Variants in OMA1 observed in about 807,000 individuals in gnomAD.
OMA1 encodes OMA1 zinc metallopeptidase, also known as metalloendopeptidase OMA1, mitochondrial.
A neutral mutation model predicts 30.9 loss-of-function variants in OMA1; 38 were observed. That is an observed-to-expected ratio of 1.23 (90% CI 0.95 to 1.61). The LOEUF is 1.61. OMA1 is among the 40% of genes most tolerant of loss of function. The pLI is 0.00. For synonymous variants in OMA1, 173 were observed against 121.9 expected (o/e 1.42, Z -2.76); for missense variants, 461 against 349.2 (o/e 1.32, Z -2.55).
chr1:58,488,450 A>G (rs1308259589), intron 8 of OMA1, among the ~76,000 whole-genome samples: 3 of 152,074 alleles, frequency 2.0e-5, no homozygotes, highest in Non-Finnish European at 4.4e-5. Context: ...ACTGTACCCA[A>G]TGTGTAGTCT....
At chr1:58,545,981 C>A (rs936289288) in intron 1 of OMA1, among the ~76,000 whole-genome samples, 1 of 152,168 alleles carries the variant, frequency 6.6e-6, no homozygotes, top group African/African-American at 2.4e-5. Flanking sequence ...GAGGGTTGCA[C>A]GACCTTGATC....
chr1:58,506,485 T>C (rs1359254239), intron 7 of OMA1, among the ~76,000 whole-genome samples: 2 of 152,162 alleles, frequency 1.3e-5, no homozygotes, highest in African/African-American at 2.4e-5. Flanking sequence ...AAGTAGAACA[T>C]GCCCATTGCT....
At chr1:58,495,994 G>A (rs1366919185) in intron 8 of OMA1, among the ~76,000 whole-genome samples, 1 of 152,054 alleles carries the variant, frequency 6.6e-6, no homozygotes, top group Non-Finnish European at 1.5e-5. Context: ...GCTTCCCATG[G>A]ATGATACTCT....
chr1:58,535,612 A>G (rs1646504418), intron 3 of OMA1, among the ~76,000 whole-genome samples: 1 of 151,898 alleles, frequency 6.6e-6, no homozygotes, highest in Non-Finnish European at 1.5e-5. Context: ...AAAAAAAAAA[A>G]AAAGATTCAG....
At chr1:58,504,500 C>T (rs1249704767) in intron 8 of OMA1, among the ~76,000 whole-genome samples, 1 of 152,052 alleles carries the variant, frequency 6.6e-6, no homozygotes, top group Non-Finnish European at 1.5e-5. Context: ...CTCTCTAATA[C>T]CTTTAATCTG....
At chr1:58,517,332 T>C (rs1276094315) in intron 7 of OMA1, among the ~76,000 whole-genome samples, 4 of 152,240 alleles carry the variant, frequency 2.6e-5, no homozygotes, top group African/African-American at 4.8e-5. Context: ...TTGAATTCTG[T>C]TGACATTTTA....
rs546981860 is a variant in OMA1 at position 58,534,016 on chromosome 1, G to A, written c.948C>T (p.Thr316=). 1.5e-5 allele frequency: 13 copies of A among 871,332 alleles called. No individual in the cohort carries two copies. The highest frequency in any genetic ancestry group is 6.5e-5 in the African/African-American group (4 of 61,284). The allele number at this position is 871,332 out of a possible 1,614,324, so 54.0% of individuals were successfully genotyped here. ...FVFTGFLNSV[T]DIHQLSFLLG... ...GAAGGAAAGAAAGTTGATGAATATCGGTTACACTATTTAAAAATCCAGTGA... is the reference window on the plus strand; with the variant it reads ...GAAGGAAAGAAAGTTGATGAATATCAGTTACACTATTTAAAAATCCAGTGA... The change falls in exon 5 of 9, where the codon ACC becomes ACT. Residue 316 remains threonine, a synonymous_variant. Transcript: ENST00000371226.
chr1:58,523,760 A>T (rs6687082), intron 7 of OMA1, among the ~76,000 whole-genome samples: 15 of 151,986 alleles, frequency 9.9e-5, no homozygotes, highest in African/African-American at 3.6e-4. Flanking sequence ...TTAGCCGGGC[A>T]TGGTGGTGGG....
chr1:58,515,954 T>A (rs552235231), intron 7 of OMA1, among the ~76,000 whole-genome samples: 7 of 152,220 alleles, frequency 4.6e-5, no homozygotes, highest in Admixed American at 4.6e-4. Context: ...ATTTCTGTGA[T>A]GAAAAATAGA....
intron 6 of OMA1, 97 bp from the exon 7 acceptor site, chr1:58,527,432 T>C (rs1557454244): frequency 8.6e-6 from 6 of 695,752 alleles, no homozygotes; most frequent in Non-Finnish European, 1.6e-5. Context: ...TCATGGAGTA[T>C]CTAGGATAAA....
At position 58,519,899 on chromosome 1, in the gene OMA1, C is replaced by T. The variant is rs142891855; in HGVS notation, c.1215+7362G>A. On this transcript the variant is annotated intron_variant, in intron 7 of 8. Transcript: ENST00000371226. ...GTAACTGAAATTTAAAACTCAAATACGAATTTAATGTAGAACAAATACAGC... is the reference window on the plus strand; with the variant it reads ...GTAACTGAAATTTAAAACTCAAATATGAATTTAATGTAGAACAAATACAGC... 3.9e-5 allele frequency among the ~76,000 whole-genome samples: 6 copies of T among 152,166 alleles called. No homozygotes were observed. The East Asian group carries it at 7.7e-4, about 20-fold the overall frequency.
intron 1 of OMA1, among the ~76,000 whole-genome samples, chr1:58,539,765 C>T (rs1209860934): frequency 6.6e-6 from 1 of 152,170 alleles, no homozygotes; most frequent in East Asian, 1.9e-4. Context: ...CAGAGCCCTA[C>T]AACTGTCCTA....
intron 5 of OMA1, 46 bp downstream of exon 5, chr1:58,533,907 T>G (rs1646475697): frequency 1.2e-6 from 1 of 849,426 alleles, no homozygotes; most frequent in African/African-American, 1.6e-5. Flanking sequence ...ACTTGTTAAC[T>G]TCAAAGCAGT....
intron 8 of OMA1, among the ~76,000 whole-genome samples, chr1:58,505,501 C>T (rs553236913): frequency 7.2e-5 from 11 of 152,106 alleles, no homozygotes; most frequent in South Asian, 2.1e-4. Context: ...GGCAGAAAGC[C>T]GCCTCAGCTT....
intron 7 of OMA1, among the ~76,000 whole-genome samples, chr1:58,519,142 A>C (rs1204283581): frequency 6.6e-6 from 1 of 152,260 alleles, no homozygotes; most frequent in Non-Finnish European, 1.5e-5. Flanking sequence ...TATAAGGGTC[A>C]TAACAGAGAA....
intron 5 of OMA1, among the ~76,000 whole-genome samples, chr1:58,531,518 T>G (rs1293197742): frequency 1.3e-5 from 2 of 152,220 alleles, no homozygotes; most frequent in African/African-American, 2.4e-5. Context: ...TAAATGTTAA[T>G]GTTGTAATGC....
At chr1:58,488,426 C>T (rs1645614283) in intron 8 of OMA1, among the ~76,000 whole-genome samples, 1 of 152,118 alleles carries the variant, frequency 6.6e-6, no homozygotes, top group Admixed American at 6.5e-5. Flanking sequence ...ACACCCATCA[C>T]TCAAGCAGTG....
At chr1:58,506,455 T>C (rs1326047805) in intron 7 of OMA1, among the ~76,000 whole-genome samples, 1 of 152,168 alleles carries the variant, frequency 6.6e-6, no homozygotes, top group Non-Finnish European at 1.5e-5. Flanking sequence ...TAAAGTCATT[T>C]TCTATCATCA....
chr1:58,508,587 A>G (rs867896541), intron 7 of OMA1, among the ~76,000 whole-genome samples: 1 of 152,018 alleles, frequency 6.6e-6, no homozygotes, highest in Non-Finnish European at 1.5e-5. Flanking sequence ...GCAGCTCCCC[A>G]CCACTCCTTG....
Sources: allele counts gnomAD v4.1 joint callset (sites outside exome capture counted in the v4.1 genomes callset), GRCh38; gene constraint gnomAD v4.1.1; transcripts MANE v1.5; gene names NCBI Gene and HGNC (gene_info 2026-07-23, HGNC 2026-07-21).